Variants in KYAT3 observed in about 807,000 individuals in gnomAD.
KYAT3 encodes kynurenine--oxoglutarate transaminase 3.
In KYAT3, 50 loss-of-function variants were observed where a neutral mutation model predicts 59.0. The observed-to-expected ratio is 0.85, with a 90% CI of 0.68 to 1.07. The LOEUF (loss-of-function observed/expected upper bound fraction) is 1.07, where lower values mean the gene tolerates loss of function less well. KYAT3 is among the 50% of genes least tolerant of loss of function. KYAT3 has a pLI of 0.00. For synonymous variants in KYAT3, 148 were observed against 177.0 expected (o/e 0.84, Z 1.30); for missense variants, 497 against 533.3 (o/e 0.93, Z 0.67).
chr1:88,954,632 T>C (rs1325924), intron 9 of KYAT3, among the ~76,000 whole-genome samples: 68,848 of 152,026 alleles, frequency 0.45, 15,869 homozygotes, highest in Admixed American at 0.5. Flanking sequence ...ATTTTTCTTA[T>C]GTTTAAAGAA....
intron 2 of KYAT3, 96 bp downstream of exon 2, chr1:88,988,156 A>T: frequency 2.7e-6 from 2 of 751,176 alleles, no homozygotes; most frequent in Non-Finnish European, 4.4e-6. Context: ...TGTTCATTTC[A>T]ATAAAGTATT....
chr1:88,929,668 C>T, the KYAT3 span, among the ~76,000 whole-genome samples: 14 of 152,318 alleles, frequency 9.2e-5, no homozygotes, highest in Non-Finnish European at 1.9e-4. Flanking sequence ...TAAATTTCCT[C>T]GCCATCTGTG....
chr1:88,929,240 T>G, the KYAT3 span, among the ~76,000 whole-genome samples: 1 of 152,028 alleles, frequency 6.6e-6, no homozygotes, highest in Non-Finnish European at 1.5e-5. Context: ...AATGCTCCAA[T>G]TTTAGGAGTA....
intron 5 of KYAT3, 124 bp downstream of exon 5, chr1:88,964,705 G>A (rs551784694): frequency 3.6e-5 from 28 of 767,166 alleles, no homozygotes; most frequent in Admixed American, 3.5e-4. Flanking sequence ...TACTGTACAT[G>A]CATTATACTT....
intron 13 of KYAT3, among the ~76,000 whole-genome samples, chr1:88,939,077 T>C (rs1000180404): frequency 2.0e-5 from 3 of 152,218 alleles, no homozygotes; most frequent in Admixed American, 6.5e-5. Context: ...GAGTGTTTTA[T>C]GAAACTTTTA....
At chr1:88,944,156 TG>T (rs554782170) in intron 11 of KYAT3, among the ~76,000 whole-genome samples, 61 of 152,326 alleles carry the variant, frequency 4.0e-4, no homozygotes, top group African/African-American at 1.5e-3. Context: ...CATTTCATAT[TG>T]TTTCAACTTT....
intron 2 of KYAT3, among the ~76,000 whole-genome samples, chr1:88,978,477 A>T (rs1676905704): frequency 6.6e-6 from 1 of 151,904 alleles, no homozygotes; most frequent in Admixed American, 6.6e-5. Flanking sequence ...CTGGGATGAC[A>T]TATGTGTGCC....
At chr1:88,985,142 G>T (rs1320191422) in intron 2 of KYAT3, among the ~76,000 whole-genome samples, 2 of 152,232 alleles carry the variant, frequency 1.3e-5, no homozygotes, top group African/African-American at 4.8e-5. Context: ...CAGAAATGGA[G>T]TCAGGCCAAG....
At chr1:88,978,964 T>G (rs976500202) in intron 2 of KYAT3, among the ~76,000 whole-genome samples, 1 of 152,090 alleles carries the variant, frequency 6.6e-6, no homozygotes, top group Non-Finnish European at 1.5e-5. Context: ...GGAGTTGTGA[T>G]TTTTGCTAAA....
chr1:88,936,171 A>G lies in KYAT3; in HGVS notation c.*12T>C, dbSNP rs368686806. The G allele has an allele frequency of 2.6e-4, 422 of 1,592,760 alleles. No individual in the cohort carries two copies. The highest frequency in any genetic ancestry group is 3.5e-4 in the Non-Finnish European group (404 of 1,162,398). On this transcript the variant is annotated 3_prime_UTR_variant, in exon 14 of 14. Transcript: ENST00000260508. ...GGTCATCTAACAGAAACATTAATCC[A>G]TTCTGCACAAATCAAGACTTCTGTA...
chr1:88,965,362 C>T (rs1198003271), intron 4 of KYAT3, among the ~76,000 whole-genome samples: 1 of 152,156 alleles, frequency 6.6e-6, no homozygotes, highest in Non-Finnish European at 1.5e-5. Context: ...ACTGTATACC[C>T]ACTCCTTGGC....
chr1:88,960,480 G>A (rs1370447333), intron 8 of KYAT3, among the ~76,000 whole-genome samples: 1 of 152,088 alleles, frequency 6.6e-6, no homozygotes, highest in East Asian at 1.9e-4. Flanking sequence ...ACAGAAAAAG[G>A]ACAAAGCAAA....
chr1:88,962,093 G>A lies in KYAT3; in HGVS notation c.506C>T (p.Ala169Val). 1 of 1,613,946 alleles carries A rather than the reference G, an allele frequency of 6.2e-7. No individual in the cohort carries two copies. Among genetic ancestry groups the A allele is most frequent in the Non-Finnish European group, 8.5e-7 (1 of 1,179,886 alleles). The change falls in exon 6 of 14, where the codon GCT (alanine) becomes GTT (valine). Residue 169 changes from alanine to valine, a missense_variant. By Grantham distance (64) the Ala-to-Val change is moderately conservative. This residue lies in a region of KYAT3 where 469 missense variants were observed against 479.1 expected (regional missense o/e 0.98). Coordinates refer to ENST00000260508, the MANE Select transcript of KYAT3 (RefSeq NM_001008661.3). ...GGGAATAAAAACAGGTGTTGCTCCAGCCATTCTCACCATGGGCTCATAGCA... is the reference window on the plus strand; with the variant it reads ...GGGAATAAAAACAGGTGTTGCTCCAACCATTCTCACCATGGGCTCATAGCA... ...YDCYEPMVRM[A>V]GATPVFIPLR...
At chr1:88,926,982 A>G in the KYAT3 span, among the ~76,000 whole-genome samples, 1 of 152,210 alleles carries the variant, frequency 6.6e-6, no homozygotes, top group Non-Finnish European at 1.5e-5. Context: ...GTAAAGGACC[A>G]CTAGAATCCA....
the KYAT3 span, among the ~76,000 whole-genome samples, chr1:88,925,396 G>C: frequency 2.6e-5 from 4 of 152,178 alleles, no homozygotes; most frequent in East Asian, 7.7e-4. Context: ...TGCTTCCTCT[G>C]ATCCCTGCCT....
At chr1:88,982,857 G>A (rs1224848272) in intron 2 of KYAT3, 3 of 1,613,766 alleles carry the variant, frequency 1.9e-6, no homozygotes, top group Non-Finnish European at 1.7e-6. Context: ...TAACTGTCTC[G>A]ACTTCCACCA....
chr1:88,958,877 C>A (rs1676029601), intron 8 of KYAT3, among the ~76,000 whole-genome samples: 1 of 152,144 alleles, frequency 6.6e-6, no homozygotes, highest in South Asian at 2.1e-4. Context: ...GTTTCAGAAC[C>A]ACTGACCTCC....
intron 5 of KYAT3, among the ~76,000 whole-genome samples, chr1:88,962,634 A>G (rs1382268306): frequency 6.6e-6 from 1 of 152,146 alleles, no homozygotes; most frequent in Non-Finnish European, 1.5e-5. Context: ...TTGAGAGTAA[A>G]GATGTTTCTC....
intron 5 of KYAT3, among the ~76,000 whole-genome samples, chr1:88,964,156 C>T (rs930768749): frequency 9.2e-5 from 14 of 152,128 alleles, no homozygotes; most frequent in African/African-American, 2.4e-4. Flanking sequence ...TGACCAAGAT[C>T]GTGCCACTGC....
Sources: allele counts gnomAD v4.1 joint callset (sites outside exome capture counted in the v4.1 genomes callset), GRCh38; gene constraint gnomAD v4.1.1; regional missense constraint gnomAD v4.1.1; transcripts MANE v1.5; gene names NCBI Gene and HGNC (gene_info 2026-07-23, HGNC 2026-07-21).